Variants in IMMP2L observed in about 807,000 individuals in gnomAD.
IMMP2L encodes inner mitochondrial membrane peptidase subunit 2, also known as mitochondrial inner membrane protease subunit 2.
IMMP2L carries 18 observed loss-of-function variants against 19.3 expected under a neutral mutation model. The observed-to-expected ratio is 0.93, with a 90% CI of 0.64 to 1.38. IMMP2L has a LOEUF of 1.38. Ranked by LOEUF, IMMP2L falls within the 40% of genes most tolerant of loss-of-function variation. IMMP2L has a pLI of 0.00. For missense variants in IMMP2L, 233 were observed against 218.2 expected (o/e 1.07, Z -0.43); for synonymous variants, 76 against 73.0 (o/e 1.04, Z -0.21).
chr7:111,243,314 A>C (rs1184979838), intron 3 of IMMP2L, among the ~76,000 whole-genome samples: 2 of 152,056 alleles, frequency 1.3e-5, no homozygotes, highest in Non-Finnish European at 1.5e-5. Flanking sequence ...TGTAGAATTA[A>C]AAACTATGAC....
At chr7:111,505,286 A>C (rs1158189242) in intron 2 of IMMP2L, among the ~76,000 whole-genome samples, 2 of 150,966 alleles carry the variant, frequency 1.3e-5, no homozygotes, top group Non-Finnish European at 3.0e-5. Context: ...ACCATCTCAC[A>C]CCAGTTAGAA....
At chr7:111,201,607 C>T (rs1489792421) in intron 3 of IMMP2L, among the ~76,000 whole-genome samples, 1 of 151,702 alleles carries the variant, frequency 6.6e-6, no homozygotes, top group Non-Finnish European at 1.5e-5. Flanking sequence ...GTCCCAGCTA[C>T]TCAGTAAGTG....
chr7:111,043,591 A>G (rs1181448166), intron 3 of IMMP2L, among the ~76,000 whole-genome samples: 1 of 152,234 alleles, frequency 6.6e-6, no homozygotes, highest in Admixed American at 6.5e-5. Flanking sequence ...TTAAACATTA[A>G]ATACAAAAAG....
At chr7:110,995,755 C>T (rs149395281) in intron 3 of IMMP2L, among the ~76,000 whole-genome samples, 1 of 152,194 alleles carries the variant, frequency 6.6e-6, no homozygotes, top group Middle Eastern at 3.4e-3. Context: ...AGGTATGCTA[C>T]ATCTCTCCCC....
intron 3 of IMMP2L, among the ~76,000 whole-genome samples, chr7:111,040,041 T>TGTAATCC (rs901471580): frequency 6.6e-6 from 1 of 152,158 alleles, no homozygotes; most frequent in Non-Finnish European, 1.5e-5. Context: ...GGCACATGCC[T>TGTAATCC]GTAATCCCAG....
chr7:111,033,553 A>G (rs1791044617), intron 3 of IMMP2L, among the ~76,000 whole-genome samples: 1 of 152,248 alleles, frequency 6.6e-6, no homozygotes, highest in Non-Finnish European at 1.5e-5. Context: ...CATAATTGCC[A>G]AAACTTGTAA....
rs181485357 is a variant in IMMP2L, at chr7:111,309,824, G to A, written c.239+177414C>T. Reference sequence around the variant, plus strand: ...TATAGTACCTGTTAGAAGTAATGCCGCATCCCATTACTATTACTATTCATG... The same window carrying A: ...TATAGTACCTGTTAGAAGTAATGCCACATCCCATTACTATTACTATTCATG... On this transcript the variant is annotated intron_variant, in intron 3 of 5. Coordinates refer to ENST00000405709, the MANE Select transcript of IMMP2L (RefSeq NM_032549.4). Among the ~76,000 whole-genome samples the A allele has an allele frequency of 1.4e-3, 206 of 152,030 alleles. 1 individual carries two copies. The highest frequency in any genetic ancestry group is 4.7e-3 in the African/African-American group (194 of 41,460).
chr7:110,820,321 A>G (rs1346610053), intron 5 of IMMP2L, among the ~76,000 whole-genome samples: 1 of 152,062 alleles, frequency 6.6e-6, no homozygotes, highest in Non-Finnish European at 1.5e-5. Flanking sequence ...GCTAATGTTC[A>G]ATAACTTTAC....
Position 111,461,099 on chromosome 7 carries a change from G to C in IMMP2L, c.239+26139C>G, listed in dbSNP as rs559012036. Among the ~76,000 whole-genome samples the C allele has an allele frequency of 2.8e-4, 42 of 152,086 alleles. No individual in the cohort carries two copies. In the South Asian group the frequency reaches 5.6e-3, roughly 20 times the overall value. On this transcript the variant is annotated intron_variant, in intron 3 of 5. Coordinates refer to ENST00000405709, the MANE Select transcript of IMMP2L (RefSeq NM_032549.4). ...ATTCCACAATTTATATTTTGACTTAGTGCTGGATAGTTGCTTTCAATTTTT... is the reference window on the plus strand; with the variant it reads ...ATTCCACAATTTATATTTTGACTTACTGCTGGATAGTTGCTTTCAATTTTT...
chr7:110,922,550 G>T (rs1442353732), intron 4 of IMMP2L, among the ~76,000 whole-genome samples: 1 of 152,052 alleles, frequency 6.6e-6, no homozygotes, highest in Non-Finnish European at 1.5e-5. Context: ...ATTTCCTCAT[G>T]AACGGATTTT....
At chr7:111,338,051 A>C (rs1826626480) in intron 3 of IMMP2L, among the ~76,000 whole-genome samples, 1 of 152,180 alleles carries the variant, frequency 6.6e-6, no homozygotes, top group Admixed American at 6.6e-5. Flanking sequence ...TAGGTGAGAC[A>C]GAGAACAGAG....
chr7:110,935,512 T>C (rs185803641), intron 4 of IMMP2L, among the ~76,000 whole-genome samples: 5 of 152,238 alleles, frequency 3.3e-5, no homozygotes, highest in Admixed American at 3.3e-4. Context: ...TTTGTGGTGT[T>C]CTCTGTATTT....
At chr7:111,239,725 G>C (rs1345861759) in intron 3 of IMMP2L, among the ~76,000 whole-genome samples, 1 of 151,714 alleles carries the variant, frequency 6.6e-6, no homozygotes, top group Middle Eastern at 3.2e-3. Flanking sequence ...GATCAATTTG[G>C]CAAAAAGATG....
chr7:111,102,673 T>A (rs1257246074), intron 3 of IMMP2L, among the ~76,000 whole-genome samples: 1 of 151,566 alleles, frequency 6.6e-6, no homozygotes, highest in Non-Finnish European at 1.5e-5. Flanking sequence ...AATAGCAAGT[T>A]TGAAGTTTCA....
intron 3 of IMMP2L, among the ~76,000 whole-genome samples, chr7:111,071,845 C>G (rs910056912): frequency 4.6e-5 from 7 of 152,014 alleles, no homozygotes; most frequent in Non-Finnish European, 1.0e-4. Context: ...TAAATGCCAG[C>G]AAATTTATAC....
intron 3 of IMMP2L, among the ~76,000 whole-genome samples, chr7:111,382,357 A>G (rs1831280238): frequency 6.6e-6 from 1 of 152,074 alleles, no homozygotes; most frequent in Non-Finnish European, 1.5e-5. Flanking sequence ...AATGCCAGAA[A>G]AAAAATCAAA....
rs1585967341 is a variant in IMMP2L at position 111,050,947 on chromosome 7, G to T, written c.240-87382C>A. On this transcript the variant is annotated intron_variant, in intron 3 of 5. Transcript: ENST00000405709. Reference sequence around the variant, plus strand: ...GCTGAATGAGCTAATTACAGGAAAAGAAATTAACAAATAAAAAAGCTGACT... The same window carrying T: ...GCTGAATGAGCTAATTACAGGAAAATAAATTAACAAATAAAAAAGCTGACT... Among the ~76,000 whole-genome samples the T allele has an allele frequency of 2.6e-5, 4 of 152,254 alleles. No homozygotes were observed. In the South Asian group the frequency reaches 6.2e-4, roughly 24 times the overall value.
At chr7:111,453,311 A>G (rs1277991584) in intron 3 of IMMP2L, among the ~76,000 whole-genome samples, 2 of 151,960 alleles carry the variant, frequency 1.3e-5, no homozygotes, top group South Asian at 4.1e-4. Flanking sequence ...TACATTTACC[A>G]CCTTAATTAT....
intron 3 of IMMP2L, chr7:111,125,436 A>G (rs1801192880): frequency 6.0e-6 from 1 of 167,108 alleles, no homozygotes; most frequent in South Asian, 2.1e-4. Context: ...TTTCTAAATA[A>G]AGAATAATTT....
Sources: gnomAD v4.1 joint callset for allele counts (sites outside exome capture counted in the v4.1 genomes callset) on GRCh38, gnomAD v4.1.1 for gene constraint, MANE v1.5 for transcripts, NCBI Gene and HGNC (gene_info 2026-07-23, HGNC 2026-07-21) for gene names.